Variants in ARK2C observed in about 807,000 individuals in gnomAD.
ARK2C encodes the protein arkadia (RNF111) C-terminal like ring finger ubiquitin ligase 2C, also known as E3 ubiquitin-protein ligase ARK2C.
At chr18:46,418,011 G>A in the ARK2C span, among the ~76,000 whole-genome samples, 1 of 149,270 alleles carries the variant, frequency 6.7e-6, no homozygotes, top group Non-Finnish European at 1.5e-5. Flanking sequence ...AAAAAAAAAA[G>A]TATAATGTAA....
At chr18:46,415,578 G>A in the ARK2C span, among the ~76,000 whole-genome samples, 1 of 151,790 alleles carries the variant, frequency 6.6e-6, no homozygotes. Flanking sequence ...GTTGCTGAAG[G>A]AGCCCCCTCC....
the ARK2C span, among the ~76,000 whole-genome samples, chr18:46,343,007 C>T: frequency 2.0e-5 from 3 of 152,234 alleles, no homozygotes; most frequent in Non-Finnish European, 4.4e-5. Context: ...GCTGTTTTCA[C>T]AAGCACTGCT....
At chr18:46,449,828 T>C in the ARK2C span, among the ~76,000 whole-genome samples, 1 of 152,122 alleles carries the variant, frequency 6.6e-6, no homozygotes. Context: ...CATTCTTGGG[T>C]ATTTCTTCAT....
the ARK2C span, among the ~76,000 whole-genome samples, chr18:46,343,971 T>G: frequency 1.3e-5 from 2 of 152,172 alleles, no homozygotes; most frequent in East Asian, 1.9e-4. Flanking sequence ...GAGCGGGACA[T>G]TCCCCCGGAT....
At chr18:46,355,887 C>T in the ARK2C span, among the ~76,000 whole-genome samples, 6 of 152,180 alleles carry the variant, frequency 3.9e-5, no homozygotes, top group South Asian at 6.2e-4. Flanking sequence ...ATGTGACTGC[C>T]GTGGATGATG....
At chr18:46,417,071 TC>T in the ARK2C span, among the ~76,000 whole-genome samples, 1 of 152,248 alleles carries the variant, frequency 6.6e-6, no homozygotes, top group Non-Finnish European at 1.5e-5. Flanking sequence ...ATGGAGTCTA[TC>T]TTGTCCTCTG....
At chr18:46,353,773 C>A in the ARK2C span, among the ~76,000 whole-genome samples, 2 of 152,244 alleles carry the variant, frequency 1.3e-5, no homozygotes, top group East Asian at 1.9e-4. Context: ...AGGAAACGGG[C>A]CCTCCAGAAG....
the ARK2C span, among the ~76,000 whole-genome samples, chr18:46,449,131 T>C: frequency 2.0e-5 from 3 of 152,138 alleles, no homozygotes; most frequent in East Asian, 5.8e-4. Flanking sequence ...CAAAAGAGTA[T>C]TATCCTGATT....
chr18:46,417,928 T>G, the ARK2C span, among the ~76,000 whole-genome samples: 1 of 151,638 alleles, frequency 6.6e-6, no homozygotes, highest in Admixed American at 6.6e-5. Context: ...CGCTTGAACC[T>G]GGGAGGTGGA....
At chr18:46,388,512 C>G in the ARK2C span, among the ~76,000 whole-genome samples, 3 of 152,310 alleles carry the variant, frequency 2.0e-5, no homozygotes, top group South Asian at 6.2e-4. Context: ...AAGACACACA[C>G]AACTCTGTTT....
chr18:46,344,569 C>T, the ARK2C span, among the ~76,000 whole-genome samples: 10 of 152,170 alleles, frequency 6.6e-5, no homozygotes, highest in African/African-American at 1.7e-4. Context: ...TTCCTTAAGC[C>T]GAAGGATGGC....
At chr18:46,460,700 G>A in the ARK2C span, 1 of 152,420 alleles carries the variant, frequency 6.6e-6, no homozygotes, top group Non-Finnish European at 1.5e-5. Context: ...TATTTCGTCC[G>A]AACTATCAGG....
At chr18:46,425,208 G>T in the ARK2C span, among the ~76,000 whole-genome samples, 2 of 152,158 alleles carry the variant, frequency 1.3e-5, no homozygotes, top group Non-Finnish European at 2.9e-5. Context: ...GCGGGAACTC[G>T]GGCTTCCGGG....
the ARK2C span, among the ~76,000 whole-genome samples, chr18:46,347,788 TC>T: frequency 1.3e-5 from 2 of 152,148 alleles, no homozygotes; most frequent in Non-Finnish European, 2.9e-5. Context: ...AAACTGAGCC[TC>T]AGTGTTCTTA....
At chr18:46,360,819 C>G in the ARK2C span, among the ~76,000 whole-genome samples, 5 of 152,190 alleles carry the variant, frequency 3.3e-5, no homozygotes, top group African/African-American at 1.2e-4. Flanking sequence ...GGTCACAGGG[C>G]CCACCTAAAC....
At chr18:46,362,708 A>G in the ARK2C span, among the ~76,000 whole-genome samples, 1 of 152,248 alleles carries the variant, frequency 6.6e-6, no homozygotes, top group African/African-American at 2.4e-5. Flanking sequence ...ATGCCCTGCG[A>G]CAACCACATC....
At chr18:46,334,474 C>G in the ARK2C span, 1 of 698,200 alleles carries the variant, frequency 1.4e-6, no homozygotes. The surrounding 1 kb of genome is among the most constrained non-coding windows in gnomAD (Gnocchi z 4.4). Flanking sequence ...CCCCCCACCC[C>G]ATTTTAGGGG....
At chr18:46,427,389 C>G in the ARK2C span, among the ~76,000 whole-genome samples, 102,705 of 152,026 alleles carry the variant, frequency 0.68, 36,459 homozygotes, top group Middle Eastern at 0.81. Context: ...AATGAGGCTC[C>G]AGAGAAACCT....
chr18:46,383,561 T>TTG, the ARK2C span, among the ~76,000 whole-genome samples: 234 of 146,310 alleles, frequency 1.6e-3, no homozygotes, highest in African/African-American at 5.7e-3. Context: ...TTTTTTTTTT[T>TTG]TTTTTTTTTT....
Sources: allele counts gnomAD v4.1 joint callset (sites outside exome capture counted in the v4.1 genomes callset), GRCh38; gene constraint gnomAD v4.1.1; non-coding constraint Gnocchi (gnomAD v3.1); transcripts MANE v1.5; gene names NCBI Gene and HGNC (gene_info 2026-07-23, HGNC 2026-07-21).